Variants in RIMBP2 observed in about 807,000 individuals in gnomAD.
RIMBP2 encodes RIMS-binding protein 2.
In RIMBP2, 48 loss-of-function variants were observed where a neutral mutation model predicts 118.6. The observed-to-expected ratio is 0.40, with a 90% confidence interval of 0.32 to 0.51. RIMBP2 has a LOEUF of 0.51. Ranked by LOEUF, RIMBP2 falls within the 20% of genes least tolerant of loss-of-function variation. RIMBP2 has a pLI of 0.41. For synonymous variants in RIMBP2, 762 were observed against 742.9 expected (o/e 1.03, Z -0.42); for missense variants, 1,551 against 1,768.3 (o/e 0.88, Z 2.20).
intron 3 of RIMBP2, among the ~76,000 whole-genome samples, chr12:130,510,576 C>T (rs2050811190): frequency 6.6e-6 from 1 of 152,122 alleles, no homozygotes; most frequent in African/African-American, 2.4e-5. Flanking sequence ...TCAAGGGATT[C>T]TCATGCCTCA....
chr12:130,552,022 G>A (rs917083328), intron 2 of RIMBP2, among the ~76,000 whole-genome samples: 8 of 152,210 alleles, frequency 5.3e-5, no homozygotes, highest in Admixed American at 2.0e-4. Context: ...TGTTAAAGTC[G>A]TTTCCACAGC....
At position 130,479,650 on chromosome 12, in the gene RIMBP2, T is replaced by C. The variant is rs550385523; in HGVS notation, c.-3-634A>G. ...GCACCCTCCCGGGAGCTTCCCGACC[T>C]CGGGCTCTGGTCCTGACTGCCGACT... On this transcript the variant is annotated intron_variant, in intron 4 of 22. Coordinates refer to ENST00000690449, the MANE Select transcript of RIMBP2 (RefSeq NM_001393629.1). 2.0e-5 allele frequency among the ~76,000 whole-genome samples: 3 copies of C among 150,218 alleles called. No individual in the cohort carries two copies. In the East Asian group the frequency reaches 6.1e-4, roughly 30 times the overall value.
At chr12:130,460,829 C>T (rs913826489) in intron 6 of RIMBP2, among the ~76,000 whole-genome samples, 3 of 152,112 alleles carry the variant, frequency 2.0e-5, no homozygotes, top group Non-Finnish European at 2.9e-5. Flanking sequence ...AGGAGGCCCA[C>T]GGGCAGCAGT....
In RIMBP2 at chr12:130,688,606, G is replaced by A. The variant is rs561526473; in HGVS notation, c.-352+27616C>T. 2.6e-5 allele frequency among the ~76,000 whole-genome samples: 4 copies of A among 151,404 alleles called. No individual in the cohort carries two copies. Among genetic ancestry groups the A allele is most frequent in the South Asian group, 2.1e-4 (1 of 4,798 alleles). On this transcript the variant is annotated intron_variant, in intron 1 of 22. Coordinates refer to ENST00000690449, the MANE Select transcript of RIMBP2 (RefSeq NM_001393629.1). The surrounding 1 kb of genome is among the most constrained non-coding windows in gnomAD (Gnocchi z 4.7). ...GACCCTTAGGACTCTGAGCACAGCC[G>A]GCGGGCATTCTCCCAGCCCTGCAGC...
chr12:130,414,402 C>T (rs190577509), intron 17 of RIMBP2, 96 bp from the exon 18 acceptor site: 10 of 1,261,832 alleles, frequency 7.9e-6, no homozygotes, highest in Middle Eastern at 2.0e-4. Context: ...AGGATGGCAG[C>T]GGTTCCTTGA....
At chr12:130,638,348 G>A (rs1198743285) in intron 1 of RIMBP2, among the ~76,000 whole-genome samples, 1 of 152,192 alleles carries the variant, frequency 6.6e-6, no homozygotes, top group African/African-American at 2.4e-5. Flanking sequence ...AGCCTTCATT[G>A]CACATCACTA....
rs1287120125 is a variant in RIMBP2 at position 130,419,139 on chromosome 12, C to T, written c.3238+3314G>A. ...GAGTAGCAGCCTCCCTGGAATGTGTCCATGGAAACTTGGCTTCACTGCAGA... is the reference window on the plus strand; with the variant it reads ...GAGTAGCAGCCTCCCTGGAATGTGTTCATGGAAACTTGGCTTCACTGCAGA... On this transcript the variant is annotated intron_variant, in intron 17 of 22. Transcript: ENST00000690449. This position sits in a 1 kb window ranked among gnomAD's most constrained non-coding sequence, Gnocchi z 4.3. Among the ~76,000 whole-genome samples the T allele has an allele frequency of 6.6e-6, 1 of 152,178 alleles. No individual in the cohort carries two copies. The highest frequency in any genetic ancestry group is 1.9e-4 in the East Asian group (1 of 5,192).
At chr12:130,417,782 ACATATG>A (rs1249736236) in intron 17 of RIMBP2, among the ~76,000 whole-genome samples, 1 of 152,246 alleles carries the variant, frequency 6.6e-6, no homozygotes, top group Non-Finnish European at 1.5e-5. Flanking sequence ...AAATCCTAAT[ACATATG>A]CATATATATA....
At chr12:130,633,322 T>C (rs1472904149) in intron 1 of RIMBP2, among the ~76,000 whole-genome samples, 1 of 152,212 alleles carries the variant, frequency 6.6e-6, no homozygotes, top group Non-Finnish European at 1.5e-5. Flanking sequence ...TTCACAACTT[T>C]GAATGGATGC....
intron 2 of RIMBP2, among the ~76,000 whole-genome samples, chr12:130,541,872 T>C (rs1404693617): frequency 6.6e-6 from 1 of 152,220 alleles, no homozygotes; most frequent in Non-Finnish European, 1.5e-5. Context: ...GCTCATGGGA[T>C]GCCTTTATGT....
intron 2 of RIMBP2, among the ~76,000 whole-genome samples, chr12:130,574,968 C>T (rs1397805879): frequency 7.7e-6 from 1 of 130,356 alleles, no homozygotes; most frequent in African/African-American, 3.2e-5. Flanking sequence ...CACCCCCCAC[C>T]GCCACCCCCA....
At position 130,622,527 on chromosome 12, in the gene RIMBP2, T is replaced by C. The variant is rs1034567560; in HGVS notation, c.-217+5795A>G. Among the ~76,000 whole-genome samples the C allele has an allele frequency of 6.6e-6, 1 of 152,090 alleles. No homozygotes were observed. The highest frequency in any genetic ancestry group is 1.5e-5 in the Non-Finnish European group (1 of 68,018). ...TTTGATAATAGAGATGGAGTCTCAC[T>C]TTGTTGCCCAGGGTGGTCCCAAACT... On this transcript the variant is annotated intron_variant, in intron 2 of 22. Transcript: ENST00000690449. This position sits in a 1 kb window ranked among gnomAD's most constrained non-coding sequence, Gnocchi z 8.5.
intron 3 of RIMBP2, among the ~76,000 whole-genome samples, chr12:130,513,791 A>G (rs2051158914): frequency 6.6e-6 from 1 of 152,224 alleles, no homozygotes; most frequent in Non-Finnish European, 1.5e-5. Context: ...CTTTGCATTC[A>G]TAATTAAGAG....
chr12:130,401,429 T>C (rs2074556802), intron 21 of RIMBP2, among the ~76,000 whole-genome samples: 1 of 152,064 alleles, frequency 6.6e-6, no homozygotes. Context: ...TTAGATAAAT[T>C]TTATGTAGAT....
intron 17 of RIMBP2, among the ~76,000 whole-genome samples, chr12:130,414,879 C>T (rs1217316829): frequency 6.6e-6 from 1 of 152,212 alleles, no homozygotes; most frequent in Non-Finnish European, 1.5e-5. Context: ...CATTCCTAGA[C>T]ACACACAACC....
chr12:130,534,007 A>G (rs1434692065), intron 2 of RIMBP2, among the ~76,000 whole-genome samples: 1 of 151,820 alleles, frequency 6.6e-6, no homozygotes, highest in Non-Finnish European at 1.5e-5. Context: ...CTCTGCTAAA[A>G]ATACAAAAAT....
In RIMBP2 at chr12:130,424,604, C is replaced by A; in HGVS notation, c.2667G>T (p.Arg889Ser). 8.1e-7 allele frequency: 1 copy of A among 1,231,932 alleles called. No homozygotes were observed. The highest frequency in any genetic ancestry group is 1.0e-6 in the Non-Finnish European group (1 of 987,826). The allele number at this position is 1,231,932 out of a possible 1,614,324, so 76.3% of individuals were successfully genotyped here. The change falls in exon 16 of 23, where the codon AGG becomes AGT. Residue 889 changes from arginine (R) to serine (S), a missense_variant. By Grantham distance (110) the Arg-to-Ser change is moderately radical. Coordinates refer to ENST00000690449, the MANE Select transcript of RIMBP2 (RefSeq NM_001393629.1). This position sits in a 1 kb window ranked among gnomAD's most constrained non-coding sequence, Gnocchi z 9.8. ...PRGSWFPVKH[R>S]GSGAVPHVED... is the part of the protein sequence containing the mutation. ...CCACGTGGGGGACGGCCCCCGAGCC[C>A]CTGTGCTTCACCGGGAACCAGGAGC...
chr12:130,572,122 C>A (rs565387453), intron 2 of RIMBP2, among the ~76,000 whole-genome samples: 1 of 124,630 alleles, frequency 8.0e-6, no homozygotes, highest in East Asian at 2.6e-4. Flanking sequence ...ACCCCCAGTG[C>A]GTGAAACAGC....
intron 2 of RIMBP2, among the ~76,000 whole-genome samples, chr12:130,568,966 G>A (rs1006643508): frequency 6.6e-6 from 1 of 152,134 alleles, no homozygotes; most frequent in Non-Finnish European, 1.5e-5. Context: ...TATTGGAGCT[G>A]TGTGTTAGTG....
Sources: gnomAD v4.1 joint callset for allele counts (sites outside exome capture counted in the v4.1 genomes callset) on GRCh38, gnomAD v4.1.1 for gene constraint, Gnocchi (gnomAD v3.1) non-coding constraint, MANE v1.5 for transcripts, NCBI Gene and HGNC (gene_info 2026-07-23, HGNC 2026-07-21) for gene names.